STX8: variants seen among roughly 807,000 people sequenced by gnomAD.
STX8 encodes the protein syntaxin 8, also known as syntaxin-8.
A neutral mutation model predicts 37.5 loss-of-function variants in STX8; 23 were observed. That is an observed-to-expected ratio of 0.61 (90% CI 0.44 to 0.87). The LOEUF (loss-of-function observed/expected upper bound fraction) is 0.87, where lower values mean the gene tolerates loss of function less well. STX8 is among the 40% of genes least tolerant of loss of function. STX8 has a pLI of 0.00. For missense variants in STX8, 313 were observed against 284.7 expected (o/e 1.10, Z -0.71); for synonymous variants, 115 against 99.1 (o/e 1.16, Z -0.95).
At chr17:9,362,716 G>C (rs573917325) in intron 7 of STX8, among the ~76,000 whole-genome samples, 33 of 151,914 alleles carry the variant, frequency 2.2e-4, no homozygotes, top group African/African-American at 7.2e-4. Context: ...CAGCTACTAG[G>C]GAGGTTGAGG....
chr17:9,419,000 T>G (rs1913324907), intron 6 of STX8, among the ~76,000 whole-genome samples: 1 of 145,924 alleles, frequency 6.9e-6, no homozygotes, highest in South Asian at 2.4e-4. Context: ...CACAGTTCAC[T>G]ACAGCCTCAA....
At position 9,270,992 on chromosome 17, in the gene STX8, C is replaced by G. The variant is rs576713949; in HGVS notation, c.644-20347G>C. ...CATTTTGTATTGAATCAAATCGCCT[C>G]AGTTCATGTTTCATTCATTCCTTGT... On this transcript the variant is annotated intron_variant, in intron 7 of 7. Coordinates refer to ENST00000306357, the MANE Select transcript of STX8 (RefSeq NM_004853.3). Among the ~76,000 whole-genome samples the G allele has an allele frequency of 4.6e-5, 7 of 152,322 alleles. No homozygotes were observed. The East Asian group carries it at 1.4e-3, about 29-fold the overall frequency.
Position 9,268,958 on chromosome 17 carries a change from C to T in STX8, c.644-18313G>A, listed in dbSNP as rs188167605. ...ATCCCAGCACTTTGGGAGGCTGAGG[C>T]GGGCGGATCATGAAGTCAGCAGATC... On this transcript the variant is annotated intron_variant, in intron 7 of 7. Coordinates refer to ENST00000306357, the MANE Select transcript of STX8 (RefSeq NM_004853.3). 3.1e-4 allele frequency among the ~76,000 whole-genome samples: 47 copies of T among 152,208 alleles called. 1 individual carries two copies. The highest frequency in any genetic ancestry group is 1.2e-3 in the South Asian group (6 of 4,820).
chr17:9,545,063 T>G (rs1216998197), intron 4 of STX8, 109 bp downstream of exon 4: 8 of 675,480 alleles, frequency 1.2e-5, no homozygotes, highest in Non-Finnish European at 2.1e-5. Flanking sequence ...CATAAATGAA[T>G]AGAATAGATT....
chr17:9,343,782 G>A (rs1043316826), intron 7 of STX8, among the ~76,000 whole-genome samples: 9 of 151,766 alleles, frequency 5.9e-5, no homozygotes, highest in Admixed American at 3.9e-4. Flanking sequence ...CCCATCTGCC[G>A]GATAGGGCCT....
chr17:9,359,019 C>A (rs1001746148), intron 7 of STX8, among the ~76,000 whole-genome samples: 4 of 151,942 alleles, frequency 2.6e-5, no homozygotes, highest in Non-Finnish European at 5.9e-5. Flanking sequence ...ATCCAGCATC[C>A]TCTCAGTGGA....
chr17:9,282,129 ATGTTTTGTTT>A lies in STX8; in HGVS notation c.644-31494_644-31485del, dbSNP rs141888613. Among the ~76,000 whole-genome samples, 227 of 151,962 alleles carry A rather than the reference ATGTTTTGTTT, an allele frequency of 1.5e-3. 1 individual carries two copies. The highest frequency in any genetic ancestry group is 2.4e-3 in the Non-Finnish European group (162 of 67,952). On this transcript the variant is annotated intron_variant, in intron 7 of 7. Transcript: ENST00000306357. ...TAAATTTTTGTTTGGTACTGATGAC[ATGTTTTGTTT>A]TGTTTTGTTTTGAGATGGAGTCTGG...
chr17:9,507,689 A>G lies in STX8; in HGVS notation c.324-2527T>C, dbSNP rs112141408. On this transcript the variant is annotated intron_variant, in intron 4 of 7. Coordinates refer to ENST00000306357, the MANE Select transcript of STX8 (RefSeq NM_004853.3). This position sits in a 1 kb window ranked among gnomAD's most constrained non-coding sequence, Gnocchi z 4.0. ...AGTGAGACCCCAAGTTGGACAACCC[A>G]CCATGTGAACGCATGCATCGCTGAC... Among the ~76,000 whole-genome samples, 2,668 of 152,310 alleles carry G rather than the reference A, an allele frequency of 0.018. 80 individuals are homozygous for G. Among genetic ancestry groups the G allele is most frequent in the African/African-American group, 0.062 (2,559 of 41,564 alleles).
At chr17:9,387,202 A>C (rs185318085) in intron 6 of STX8, among the ~76,000 whole-genome samples, 15 of 152,282 alleles carry the variant, frequency 9.9e-5, no homozygotes, top group Non-Finnish European at 1.5e-4. Context: ...CTTCCTAAAA[A>C]CGTGATGGGA....
chr17:9,333,768 TAC>T (rs369287007), intron 7 of STX8, among the ~76,000 whole-genome samples: 48 of 152,336 alleles, frequency 3.2e-4, no homozygotes, highest in Middle Eastern at 3.4e-3. Context: ...TTTTAAAAGT[TAC>T]ACAGTCATTT....
At chr17:9,552,280 T>G (rs1220532389) in intron 3 of STX8, among the ~76,000 whole-genome samples, 1 of 152,206 alleles carries the variant, frequency 6.6e-6, no homozygotes, top group East Asian at 1.9e-4. Flanking sequence ...AATTTGAGGC[T>G]GCACTGAGCT....
intron 7 of STX8, among the ~76,000 whole-genome samples, chr17:9,262,584 G>T (rs984143101): frequency 2.1e-5 from 3 of 142,200 alleles, no homozygotes; most frequent in East Asian, 2.3e-4. Context: ...GTTTTGTTTT[G>T]TTTTTTTGTT....
At chr17:9,298,368 A>G (rs1434316809) in intron 7 of STX8, among the ~76,000 whole-genome samples, 1 of 152,218 alleles carries the variant, frequency 6.6e-6, no homozygotes, top group Non-Finnish European at 1.5e-5. Context: ...GTTCCTGGCA[A>G]TGGAAAGGCT....
intron 6 of STX8, among the ~76,000 whole-genome samples, chr17:9,455,830 A>G (rs1265639047): frequency 6.6e-6 from 1 of 152,200 alleles, no homozygotes; most frequent in Non-Finnish European, 1.5e-5. Flanking sequence ...TCCAGCCAAG[A>G]GTCTCTGAAA....
chr17:9,522,539 TCCA>T (rs1187770981), intron 4 of STX8, among the ~76,000 whole-genome samples: 1,209 of 112,520 alleles, frequency 0.011, 39 homozygotes, highest in Non-Finnish European at 0.012. Flanking sequence ...CTACTAAAAA[TCCA>T]AAAAAAAAAA....
In STX8 at chr17:9,360,329, G is replaced by GCA. The variant is rs1176567190; in HGVS notation, c.643+18222_643+18223insTG. 2.9e-3 allele frequency among the ~76,000 whole-genome samples: 426 copies of GCA among 147,966 alleles called. 4 individuals are homozygous for GCA. Among genetic ancestry groups the GCA allele is most frequent in the African/African-American group, 0.01 (410 of 39,988 alleles). On this transcript the variant is annotated intron_variant, in intron 7 of 7. Coordinates refer to ENST00000306357, the MANE Select transcript of STX8 (RefSeq NM_004853.3). ...AGCTCACTGCAACCTCTGCCTCCCG[G>GCA]GTTCAAGCGATTCTCCTGCCTCAGC...
chr17:9,431,088 C>A (rs759192510), intron 6 of STX8, among the ~76,000 whole-genome samples: 3 of 151,434 alleles, frequency 2.0e-5, no homozygotes, highest in Non-Finnish European at 2.9e-5. Context: ...CATCTCCTGA[C>A]CTCGTGATCC....
At chr17:9,502,047 G>C (rs138741611) in intron 5 of STX8, among the ~76,000 whole-genome samples, 2 of 152,270 alleles carry the variant, frequency 1.3e-5, no homozygotes, top group East Asian at 3.9e-4. Context: ...AAAGAAAAAA[G>C]ATAACAAGTG....
chr17:9,435,798 G>A (rs1904410733), intron 6 of STX8, among the ~76,000 whole-genome samples: 1 of 151,980 alleles, frequency 6.6e-6, no homozygotes, highest in South Asian at 2.1e-4. Context: ...AGTATATGAG[G>A]TAACATATAT....
Sources: gnomAD v4.1 joint callset for allele counts (sites outside exome capture counted in the v4.1 genomes callset) on GRCh38, gnomAD v4.1.1 for gene constraint, Gnocchi (gnomAD v3.1) non-coding constraint, MANE v1.5 for transcripts, NCBI Gene and HGNC (gene_info 2026-07-23, HGNC 2026-07-21) for gene names.